MAMDC2: variants seen among roughly 807,000 people sequenced by gnomAD.
The protein encoded by MAMDC2 is MAM domain containing 2.
A neutral mutation model predicts 89.8 loss-of-function variants in MAMDC2; 57 were observed. The ratio of observed to expected loss-of-function variants is 0.63; its 90% confidence interval spans 0.51 to 0.79. MAMDC2 has a LOEUF of 0.79. Ranked by LOEUF, MAMDC2 falls within the 30% of genes least tolerant of loss-of-function variation. The probability of loss-of-function intolerance (pLI) is 0.00; values close to 1 mark genes in which losing one functional copy is unlikely to be tolerated. For missense variants in MAMDC2, 800 were observed against 820.6 expected (o/e 0.97, Z 0.31); for synonymous variants, 313 against 293.4 (o/e 1.07, Z -0.68).
Position 70,221,414 on chromosome 9 carries a change from T to C in MAMDC2, c.1911+2818T>C, listed in dbSNP as rs1354216890. 1.2e-3 allele frequency among the ~76,000 whole-genome samples: 63 copies of C among 54,736 alleles called. 1 individual carries two copies. The East Asian group carries it at 0.034, about 30-fold the overall frequency. 35.9% of individuals were successfully genotyped at this position (54,736 alleles called of 152,430 possible). On this transcript the variant is annotated intron_variant, in intron 12 of 13. Transcript: ENST00000377182. ...AGAGAGAGAGAGAGAGAGAGTAACATCAGATAACAAGTGCTATGAAGAAGT... is the reference window on the plus strand; with the variant it reads ...AGAGAGAGAGAGAGAGAGAGTAACACCAGATAACAAGTGCTATGAAGAAGT...
At chr9:70,183,213 CTGTT>C (rs2032681546) in intron 11 of MAMDC2, among the ~76,000 whole-genome samples, 1 of 152,118 alleles carries the variant, frequency 6.6e-6, no homozygotes. Context: ...GTCTGAAAGA[CTGTT>C]TGTTATGATT....
rs2030808629 is a variant in MAMDC2, at chr9:70,131,627, T to C, written c.994+15T>C. 1.3e-6 allele frequency: 2 copies of C among 1,572,514 alleles called. No homozygotes were observed. The highest frequency in any genetic ancestry group is 1.8e-5 in the Admixed American group (1 of 56,552). ...GAATCAGACAGGTGAGCATTCTCTA[T>C]TTGTCATTGCATTTTGGGATGTTCC... On this transcript the variant is annotated intron_variant, in intron 7 of 13. Coordinates refer to ENST00000377182, the MANE Select transcript of MAMDC2 (RefSeq NM_153267.5).
intron 12 of MAMDC2, among the ~76,000 whole-genome samples, chr9:70,220,310 C>T (rs2033532556): frequency 6.6e-6 from 1 of 152,134 alleles, no homozygotes; most frequent in South Asian, 2.1e-4. Flanking sequence ...AGTGTGGCAT[C>T]TGAAATGGCA....
chr9:70,089,622 ATGT>A (rs1827844759), intron 2 of MAMDC2, among the ~76,000 whole-genome samples: 2 of 152,100 alleles, frequency 1.3e-5, no homozygotes, highest in African/African-American at 4.8e-5. Flanking sequence ...GAGTGAAGAA[ATGT>A]TGTGGTGAGG....
At chr9:70,052,319 C>T (rs1210501180) in intron 2 of MAMDC2, among the ~76,000 whole-genome samples, 1 of 152,230 alleles carries the variant, frequency 6.6e-6, no homozygotes, top group African/African-American at 2.4e-5. Context: ...CATTTCTCCT[C>T]TTCCTTCCCA....
chr9:70,161,833 T>C (rs2031984592), intron 9 of MAMDC2, among the ~76,000 whole-genome samples: 1 of 152,222 alleles, frequency 6.6e-6, no homozygotes, highest in Non-Finnish European at 1.5e-5. Context: ...TTGTGAATAA[T>C]TATGCCACCA....
In MAMDC2 at chr9:70,143,888, G is replaced by A. The variant is rs576046615; in HGVS notation, c.1404+69G>A. On this transcript the variant is annotated intron_variant, in intron 9 of 13. Coordinates refer to ENST00000377182, the MANE Select transcript of MAMDC2 (RefSeq NM_153267.5). ...GACTAGTTTTGTGAATGTCCGTCTA[G>A]CTACTGTCAACTGGTGATGTATTAT... The A allele has an allele frequency of 3.0e-5, 46 of 1,553,754 alleles. No homozygotes were observed. In the South Asian group the frequency reaches 5.2e-4, roughly 18 times the overall value.
chr9:70,181,396 A>G (rs1371816219), intron 11 of MAMDC2, among the ~76,000 whole-genome samples: 5 of 152,132 alleles, frequency 3.3e-5, no homozygotes, highest in African/African-American at 1.2e-4. Flanking sequence ...AAGAACGTCA[A>G]TGGTAGCTTG....
intron 2 of MAMDC2, among the ~76,000 whole-genome samples, chr9:70,100,505 T>C (rs1332552747): frequency 1.3e-5 from 2 of 152,194 alleles, no homozygotes; most frequent in Non-Finnish European, 2.9e-5. Flanking sequence ...AAAGAAGCAG[T>C]GTCCTTGTCT....
Position 70,100,047 on chromosome 9 carries a change from T to C in MAMDC2, c.149-8164T>C, listed in dbSNP as rs144030631. Among the ~76,000 whole-genome samples the C allele has an allele frequency of 4.2e-5, 6 of 142,238 alleles. No homozygotes were observed. In the East Asian group the frequency reaches 1.3e-3, roughly 31 times the overall value. The allele number at this position is 142,238 out of a possible 152,430, so 93.3% of individuals were successfully genotyped here. A position where few individuals can be genotyped will look rare whatever the true frequency, so the allele number is the denominator to read the frequency against. ...GAGCACAAGCACAATGGGCAGCAGG[T>C]AGAACAATAGCAACTGGTATCAAGG... is the stretch of plus-strand genomic sequence containing the variant. On this transcript the variant is annotated intron_variant, in intron 2 of 13. Coordinates refer to ENST00000377182, the MANE Select transcript of MAMDC2 (RefSeq NM_153267.5).
chr9:70,173,156 TG>T (rs1221077646), intron 11 of MAMDC2, among the ~76,000 whole-genome samples: 2 of 152,146 alleles, frequency 1.3e-5, no homozygotes, highest in African/African-American at 4.8e-5. Flanking sequence ...TCTCCTGTCA[TG>T]GCAACACAGT....
intron 11 of MAMDC2, among the ~76,000 whole-genome samples, chr9:70,201,984 T>C (rs928352190): frequency 2.6e-5 from 4 of 151,562 alleles, no homozygotes; most frequent in Non-Finnish European, 5.9e-5. Flanking sequence ...ATCAATTTTG[T>C]TGATCCTTTC....
At chr9:70,172,465 CCT>C (rs1340401006) in intron 11 of MAMDC2, 2 of 152,536 alleles carry the variant, frequency 1.3e-5, no homozygotes, top group Non-Finnish European at 1.5e-5. Flanking sequence ...CTTTCAGGAG[CCT>C]CTGCATCTTA....
intron 2 of MAMDC2, among the ~76,000 whole-genome samples, chr9:70,049,645 G>A (rs376060533): frequency 1.3e-5 from 2 of 152,212 alleles, no homozygotes; most frequent in East Asian, 3.8e-4. Context: ...CTAAGCAGAA[G>A]TACAATCCCC....
chr9:70,177,751 A>G (rs1157465170), intron 11 of MAMDC2, among the ~76,000 whole-genome samples: 1 of 152,148 alleles, frequency 6.6e-6, no homozygotes, highest in Admixed American at 6.5e-5. Flanking sequence ...ATGGCTATAT[A>G]TTCTGCCTAC....
chr9:70,167,745 G>T (rs1315808860), intron 9 of MAMDC2, among the ~76,000 whole-genome samples: 1 of 152,138 alleles, frequency 6.6e-6, no homozygotes, highest in African/African-American at 2.4e-5. Context: ...TCTTTCTCTG[G>T]AACAGTAGAT....
intron 9 of MAMDC2, among the ~76,000 whole-genome samples, chr9:70,152,735 G>A (rs1045106432): frequency 6.6e-6 from 1 of 152,024 alleles, no homozygotes; most frequent in African/African-American, 2.4e-5. Context: ...GTCAAAATTC[G>A]GCATTATAGT....
At chr9:70,047,908 C>A (rs924530938) in intron 2 of MAMDC2, among the ~76,000 whole-genome samples, 1 of 152,162 alleles carries the variant, frequency 6.6e-6, no homozygotes, top group Non-Finnish European at 1.5e-5. Flanking sequence ...CCTAGATGTC[C>A]CTGATTACAG....
chr9:70,044,491 C>G lies in MAMDC2; in HGVS notation c.35-93C>G, dbSNP rs1826689331. 7.5e-5 allele frequency: 79 copies of G among 1,057,338 alleles called. No homozygotes were observed. In the South Asian group the frequency reaches 1.1e-3, roughly 14 times the overall value. The allele number at this position is 1,057,338 out of a possible 1,614,324, so 65.5% of individuals were successfully genotyped here. Reference sequence around the variant, plus strand: ...CCCGCCCCCTCCCGCTCGTCTTTCCCCCACTTTCACCAGGTAGTCCCCCTG... The same window carrying G: ...CCCGCCCCCTCCCGCTCGTCTTTCCGCCACTTTCACCAGGTAGTCCCCCTG... On this transcript the variant is annotated intron_variant, in intron 1 of 13. Transcript: ENST00000377182.
Sources: allele counts gnomAD v4.1 joint callset (sites outside exome capture counted in the v4.1 genomes callset), GRCh38; gene constraint gnomAD v4.1.1; transcripts MANE v1.5; gene names NCBI Gene and HGNC (gene_info 2026-07-23, HGNC 2026-07-21).